DMD: variants seen among roughly 807,000 people sequenced by gnomAD.
DMD encodes the protein dystrophin, also known as mutant dystrophin.
A neutral mutation model predicts 330.1 loss-of-function variants in DMD; 63 were observed. The ratio of observed to expected loss-of-function variants is 0.19; its 90% CI spans 0.16 to 0.24. DMD has a LOEUF of 0.24. DMD is among the 10% of genes least tolerant of loss of function. The probability of loss-of-function intolerance (pLI) is 1.00; values close to 1 mark genes in which losing one functional copy is unlikely to be tolerated. For synonymous variants in DMD, 1,223 were observed against 959.8 expected, an observed-to-expected ratio of 1.27 and a Z score of -5.07; for missense variants, 3,344 against 2,684.1, an observed-to-expected ratio of 1.25 and a Z score of -5.43.
intron 44 of DMD, among the ~76,000 whole-genome samples, chrX:31,983,608 G>A (rs747060755): frequency 9.0e-6 from 1 of 111,655 alleles, no homozygotes; most frequent in South Asian, 3.7e-4. Context: ...GGAACAACAA[G>A]TTAAGTATCT....
intron 60 of DMD, among the ~76,000 whole-genome samples, chrX:31,363,391 T>TTTTA (rs1556568237): frequency 0.035 from 3,090 of 89,447 alleles, 174 homozygotes; most frequent in African/African-American, 0.13. Flanking sequence ...TTTTTTTTTT[T>TTTTA]TTTTTTTTGA....
chrX:31,456,655 G>C (rs2066180552), intron 59 of DMD, among the ~76,000 whole-genome samples: 1 of 111,318 alleles, frequency 9.0e-6, no homozygotes, highest in African/African-American at 3.3e-5. Flanking sequence ...AGCTGTAAAA[G>C]ATGAATCATG....
intron 44 of DMD, among the ~76,000 whole-genome samples, chrX:32,174,022 G>A (rs1265420471): frequency 8.9e-6 from 1 of 112,354 alleles, no homozygotes; most frequent in African/African-American, 3.2e-5. Context: ...AGACAAGAGA[G>A]AAGACTGAGT....
At chrX:32,437,984 G>A (rs1164155915) in intron 29 of DMD, among the ~76,000 whole-genome samples, 1 of 111,860 alleles carries the variant, frequency 8.9e-6, no homozygotes, top group Non-Finnish European at 1.9e-5. Flanking sequence ...CTTGAGTAAG[G>A]AAAAGAACTC....
At chrX:32,577,702 C>G (rs939842448) in intron 13 of DMD, among the ~76,000 whole-genome samples, 1 of 112,070 alleles carries the variant, frequency 8.9e-6, no homozygotes, top group Non-Finnish European at 1.9e-5. Flanking sequence ...GTTTCCAACA[C>G]AAGACAGCAT....
intron 60 of DMD, among the ~76,000 whole-genome samples, chrX:31,387,906 G>A (rs1016693293): frequency 1.8e-5 from 2 of 110,570 alleles, no homozygotes; most frequent in African/African-American, 6.6e-5. Flanking sequence ...ACTCTCTAGC[G>A]TCTTCCTTGC....
At chrX:32,240,838 T>A (rs1171087208) in intron 43 of DMD, among the ~76,000 whole-genome samples, 1 of 111,498 alleles carries the variant, frequency 9.0e-6, no homozygotes, top group Non-Finnish European at 1.9e-5. Flanking sequence ...AGAGGAGTAG[T>A]GTCTAATTAA....
intron 51 of DMD, among the ~76,000 whole-genome samples, chrX:31,730,734 T>C (rs181600548): frequency 1.3e-3 from 147 of 111,762 alleles, no homozygotes; most frequent in African/African-American, 2.9e-3. Flanking sequence ...TTATAAGCAA[T>C]ATGTGACAGA....
chrX:32,985,690 G>A (rs975443930), intron 2 of DMD, among the ~76,000 whole-genome samples: 2 of 112,049 alleles, frequency 1.8e-5, no homozygotes, highest in Admixed American at 1.9e-4. Flanking sequence ...CCAGGGAGGC[G>A]AGTTTCAGCC....
chrX:31,152,184 C>CTTTTTTTTT (rs1161340463), intron 74 of DMD, among the ~76,000 whole-genome samples: 5 of 98,378 alleles, frequency 5.1e-5, no homozygotes, highest in African/African-American at 1.6e-4. Context: ...CTTTAAGCAT[C>CTTTTTTTTT]TTTTTTTTTT....
intron 9 of DMD, among the ~76,000 whole-genome samples, chrX:32,651,264 T>C (rs1569394843): frequency 1.8e-5 from 2 of 109,565 alleles, no homozygotes; most frequent in South Asian, 8.0e-4. Flanking sequence ...TGCCTCAGCC[T>C]CCCGAGTAGC....
chrX:31,555,971 T>C (rs1221076920), intron 55 of DMD, among the ~76,000 whole-genome samples: 1 of 111,805 alleles, frequency 8.9e-6, no homozygotes, highest in African/African-American at 3.3e-5. Flanking sequence ...CCTGGTAGTA[T>C]ACTTGAAGGC....
chrX:31,482,986 G>C (rs1375074275), intron 57 of DMD, among the ~76,000 whole-genome samples: 1 of 108,114 alleles, frequency 9.2e-6, no homozygotes, highest in Non-Finnish European at 1.9e-5. Flanking sequence ...TTACGACCTT[G>C]ACAGAAGGTG....
intron 1 of DMD, among the ~76,000 whole-genome samples, chrX:33,047,835 AGT>A (rs1047239213): frequency 1.8e-5 from 2 of 112,129 alleles, no homozygotes; most frequent in African/African-American, 6.5e-5. Context: ...AGTGAATAAA[AGT>A]GTAAAGGAAA....
intron 55 of DMD, among the ~76,000 whole-genome samples, chrX:31,608,229 T>G (rs940688387): frequency 1.1e-4 from 12 of 111,862 alleles, no homozygotes; most frequent in African/African-American, 3.2e-4. Flanking sequence ...CATGAAGGAT[T>G]AAAACAAAAC....
At chrX:31,814,482 C>CAA (rs151208391) in intron 50 of DMD, among the ~76,000 whole-genome samples, 1,123 of 28,999 alleles carry the variant, frequency 0.039, 217 homozygotes, top group Middle Eastern at 0.045. Flanking sequence ...GACTCCGTCT[C>CAA]AAAAAAAAAA....
At chrX:32,927,940 G>A (rs1451449826) in intron 2 of DMD, among the ~76,000 whole-genome samples, 5 of 111,117 alleles carry the variant, frequency 4.5e-5, no homozygotes, top group African/African-American at 9.8e-5. Flanking sequence ...TTTCCCAAAA[G>A]AAAATATGCC....
In DMD at chrX:33,064,545, G is replaced by A. The variant is rs139010728; in HGVS notation, c.32-44345C>T. On this transcript the variant is annotated intron_variant, in intron 1 of 78. Transcript: ENST00000357033. ...AAAATAAGTATAGATGTAAACAAAT[G>A]TAAACAGAATTGCACTTAAATGATA... Among the ~76,000 whole-genome samples, 465 of 112,400 alleles carry A rather than the reference G, an allele frequency of 4.1e-3. 1 individual carries two copies. Among genetic ancestry groups the A allele is most frequent in the African/African-American group, 0.014 (445 of 31,001 alleles).
At chrX:31,984,571 G>A (rs2095497452) in intron 44 of DMD, among the ~76,000 whole-genome samples, 1 of 112,193 alleles carries the variant, frequency 8.9e-6, no homozygotes, top group Admixed American at 9.4e-5. Context: ...ATGTTCAAAA[G>A]TAATTCATTT....
Sources: allele counts gnomAD v4.1 joint callset (sites outside exome capture counted in the v4.1 genomes callset), GRCh38; gene constraint gnomAD v4.1.1; transcripts MANE v1.5; gene names NCBI Gene and HGNC (gene_info 2026-07-23, HGNC 2026-07-21).